ZFYVE26: variants seen among roughly 807,000 people sequenced by gnomAD.
The protein encoded by ZFYVE26 is zinc finger FYVE domain-containing protein 26.
Under a neutral mutation model 276.5 loss-of-function variants are expected in ZFYVE26, and 181 were observed. The observed-to-expected ratio is 0.65, with a 90% confidence interval of 0.58 to 0.74. The LOEUF is 0.74. ZFYVE26 is among the 30% of genes least tolerant of loss of function. The pLI is 0.00. For missense variants in ZFYVE26, 2,821 were observed against 3,097.9 expected (o/e 0.91, Z 2.12); for synonymous variants, 1,129 against 1,203.1 (o/e 0.94, Z 1.27).
In ZFYVE26 at chr14:67,757,680, T is replaced by TTCTTTCTTTCTC. The variant is rs1555393901; in HGVS notation, c.6589-1536_6589-1535insGAGAAAGAAAGA. Among the ~76,000 whole-genome samples the TTCTTTCTTTCTC allele has an allele frequency of 8.3e-5, 12 of 144,882 alleles. No individual in the cohort carries two copies. The East Asian group carries it at 1.7e-3, about 21-fold the overall frequency. ...TTTCTTTCTTTCTTTCTTTCTTTCT[T>TTCTTTCTTTCTC]TCTCTCTCTCTTTCCTTTCTTTCTC... On this transcript the variant is annotated intron_variant, in intron 35 of 41. Coordinates refer to ENST00000347230, the MANE Select transcript of ZFYVE26 (RefSeq NM_015346.4).
At chr14:67,815,127 C>G (rs1258758622) in intron 2 of ZFYVE26, among the ~76,000 whole-genome samples, 1 of 152,130 alleles carries the variant, frequency 6.6e-6, no homozygotes, top group Non-Finnish European at 1.5e-5. Flanking sequence ...CAGTTCTGAT[C>G]CTTATTACAG....
intron 3 of ZFYVE26, among the ~76,000 whole-genome samples, chr14:67,811,651 ATATG>A (rs1490296656): frequency 2.0e-5 from 3 of 151,868 alleles, no homozygotes; most frequent in African/African-American, 7.2e-5. Context: ...TATATAAAAC[ATATG>A]TATGTCCAGT....
intron 30 of ZFYVE26, 41 bp from the exon 31 acceptor site, chr14:67,767,881 G>C (rs776034694): frequency 4.8e-5 from 78 of 1,613,624 alleles, no homozygotes; most frequent in African/African-American, 8.0e-5. Context: ...TCACTGGCTG[G>C]CAGTTCAGTC....
chr14:67,760,450 T>A (rs1424933750), intron 35 of ZFYVE26, among the ~76,000 whole-genome samples: 1 of 152,222 alleles, frequency 6.6e-6, no homozygotes, highest in Non-Finnish European at 1.5e-5. Flanking sequence ...TTGCATTGGC[T>A]GCTGTTTTGA....
In ZFYVE26 at chr14:67,782,762, G is replaced by A; in HGVS notation, c.4372+18C>T. On this transcript the variant is annotated intron_variant, in intron 21 of 41. Transcript: ENST00000347230. ...ATATTACCACTAGTGAAAAAGGGAGGCATAGCATTCTGCTCACCACATGCC... is the reference window on the plus strand; with the variant it reads ...ATATTACCACTAGTGAAAAAGGGAGACATAGCATTCTGCTCACCACATGCC... 6.2e-7 allele frequency: 1 copy of A among 1,613,880 alleles called. No individual in the cohort carries two copies. The highest frequency in any genetic ancestry group is 8.5e-7 in the Non-Finnish European group (1 of 1,180,022).
At chr14:67,759,845 A>G (rs915349426) in intron 35 of ZFYVE26, among the ~76,000 whole-genome samples, 1 of 152,132 alleles carries the variant, frequency 6.6e-6, no homozygotes, top group African/African-American at 2.4e-5. Context: ...GAATCTATTT[A>G]TGTTTTAGAA....
At chr14:67,782,159 A>G (rs1274416453) in intron 21 of ZFYVE26, among the ~76,000 whole-genome samples, 1 of 151,758 alleles carries the variant, frequency 6.6e-6, no homozygotes, top group East Asian at 1.9e-4. Flanking sequence ...ATCACACCCA[A>G]CTCTTGTTGC....
intron 13 of ZFYVE26, among the ~76,000 whole-genome samples, chr14:67,740,857 C>T (rs1050353386): frequency 4.0e-5 from 6 of 150,750 alleles, no homozygotes; most frequent in African/African-American, 9.8e-5. Flanking sequence ...TGCAGTGAGC[C>T]GAGATCACAC....
rs754621080 is a variant in ZFYVE26 at position 67,783,080 on chromosome 14, G to A, written c.4072C>T (p.Arg1358Cys). The A allele has an allele frequency of 2.8e-5, 45 of 1,613,638 alleles. No individual in the cohort carries two copies. Among genetic ancestry groups the A allele is most frequent in the Middle Eastern group, 3.3e-4 (2 of 6,082 alleles). The change falls in exon 21 of 42, where the codon CGC becomes TGC. Residue 1358 changes from arginine (R) to cysteine (C), a missense_variant. Transcript: ENST00000347230. The stretch of plus-strand genomic sequence containing the variant: ...AACAGAGGGAATTGTTCCAGAAGGC[G>A]CTCACACTCCCGGGCTACCTGCTCT... ...AAEQVARECE[R>C]LLEQFPLFEA... is the part of the protein sequence containing the mutation.
chr14:67,805,485 T>A lies in ZFYVE26; in HGVS notation c.1151A>T (p.Lys384Met). ...CCTGTGCAGGGTCTGGAGCAGCCTC[T>A]TGGCTGACTCTAGGCTCTGGCAGTG... ...WTHCQSLESA[K>M]RLLQTLHRTQ... The change falls in exon 7 of 42, where the codon AAG becomes ATG. Residue 384 changes from lysine to methionine, a missense_variant. Transcript: ENST00000347230. 6.2e-7 allele frequency: 1 copy of A among 1,614,204 alleles called. No individual in the cohort carries two copies. Among genetic ancestry groups the A allele is most frequent in the South Asian group, 1.1e-5 (1 of 91,090 alleles).
chr14:67,733,879 C>T (rs199992653), intron 13 of ZFYVE26: 4 of 1,492,318 alleles, frequency 2.7e-6, no homozygotes, highest in Non-Finnish European at 3.7e-6. Context: ...TTATCAGGCC[C>T]AATCCATGCC....
chr14:67,766,664 T>C (rs2039067163), intron 31 of ZFYVE26, among the ~76,000 whole-genome samples: 1 of 152,158 alleles, frequency 6.6e-6, no homozygotes, highest in South Asian at 2.1e-4. Flanking sequence ...GTTATGTCAT[T>C]TTACTGGGAA....
intron 32 of ZFYVE26, among the ~76,000 whole-genome samples, chr14:67,763,066 C>G (rs1273442231): frequency 6.6e-6 from 1 of 152,164 alleles, no homozygotes; most frequent in African/African-American, 2.4e-5. Context: ...CCTTGCCCAG[C>G]TAGTTTTTGT....
chr14:67,810,659 T>A (rs1303862859), intron 3 of ZFYVE26, among the ~76,000 whole-genome samples: 3 of 152,212 alleles, frequency 2.0e-5, no homozygotes, highest in Non-Finnish European at 4.4e-5. Flanking sequence ...CTGCGCCTGC[T>A]TGTTTCACAA....
chr14:67,761,937 T>A, intron 34 of ZFYVE26: 1 of 561,170 alleles, frequency 1.8e-6, no homozygotes, highest in Non-Finnish European at 3.2e-6. Flanking sequence ...CACTAATCAG[T>A]CTGTGTATGG....
chr14:67,761,600 GC>G lies in ZFYVE26; in HGVS notation c.6370-17del, dbSNP rs1387498939. On this transcript the variant is annotated splice_polypyrimidine_tract_variant and intron_variant, in intron 34 of 41. Transcript: ENST00000347230. ...CGTCATCTTGCTGACAGCACAGGGA[GC>G]GAGAGAGAAAAATGAAACTCAAAAA... 1 of 1,611,182 alleles carries G rather than the reference GC, an allele frequency of 6.2e-7. No homozygotes were observed. The highest frequency in any genetic ancestry group is 8.5e-7 in the Non-Finnish European group (1 of 1,178,376).
Position 67,731,230 on chromosome 14 carries a change from T to C in ZFYVE26, n.2680-1411A>G, listed in dbSNP as rs1258101169. Among the ~76,000 whole-genome samples, 204 of 138,822 alleles carry C rather than the reference T, an allele frequency of 1.5e-3. 2 individuals carry two copies. The highest frequency in any genetic ancestry group is 2.5e-3 in the Non-Finnish European group (158 of 63,658). The allele number at this position is 138,822 out of a possible 152,430, so 91.1% of individuals were successfully genotyped here. On this transcript the variant is annotated intron_variant and non_coding_transcript_variant, in intron 13 of 14. Coordinates refer to the ZFYVE26 transcript ENST00000394455. Reference sequence around the variant, plus strand: ...TTCTTTTTTTTTTTTTTTTTTTTTTTTGGAGACATAGTCTCACTCTGTTGC... The same window carrying C: ...TTCTTTTTTTTTTTTTTTTTTTTTTCTGGAGACATAGTCTCACTCTGTTGC...
At chr14:67,781,591 A>T in intron 21 of ZFYVE26, 62 bp from the exon 22 acceptor site, 1 of 1,508,374 alleles carries the variant, frequency 6.6e-7, no homozygotes, top group Non-Finnish European at 9.2e-7. Flanking sequence ...TCAAGAGTCC[A>T]GGTTACTTCT....
intron 35 of ZFYVE26, among the ~76,000 whole-genome samples, chr14:67,759,317 G>A (rs1186953782): frequency 6.9e-6 from 1 of 144,144 alleles, no homozygotes; most frequent in East Asian, 2.1e-4. Flanking sequence ...AGCACATAAA[G>A]ATTCGTGGAA....
Sources: allele counts gnomAD v4.1 joint callset (sites outside exome capture counted in the v4.1 genomes callset), GRCh38; gene constraint gnomAD v4.1.1; transcripts MANE v1.5; gene names NCBI Gene and HGNC (gene_info 2026-07-23, HGNC 2026-07-21).